Variants in SOX5 observed in about 807,000 individuals in gnomAD.
SOX5 encodes transcription factor SOX-5.
SOX5 carries 9 observed loss-of-function variants against 92.0 expected under a neutral mutation model. That is an observed-to-expected ratio of 0.10 (90% CI 0.06 to 0.17). SOX5 has a LOEUF of 0.17. Ranked by LOEUF, SOX5 falls within the 10% of genes least tolerant of loss-of-function variation. The probability of loss-of-function intolerance (pLI) is 1.00; values close to 1 mark genes in which losing one functional copy is unlikely to be tolerated. For synonymous variants in SOX5, 344 were observed against 336.3 expected, an observed-to-expected ratio of 1.02 and a Z score of -0.25; for missense variants, 642 against 944.5, an observed-to-expected ratio of 0.68 and a Z score of 4.20.
chr12:24,060,452 C>T (rs866784557), intron 4 of SOX5, among the ~76,000 whole-genome samples: 28 of 152,222 alleles, frequency 1.8e-4, no homozygotes, highest in African/African-American at 6.5e-4. Context: ...TTCTTATATA[C>T]ACTCCATATA....
At chr12:23,537,941 A>G (rs1447820196) in intron 13 of SOX5, among the ~76,000 whole-genome samples, 1 of 76,484 alleles carries the variant, frequency 1.3e-5, no homozygotes, top group African/African-American at 4.0e-5. Flanking sequence ...CAGTAGTAAT[A>G]GCGTTTTTTT....
intron 1 of SOX5, among the ~76,000 whole-genome samples, chr12:24,464,033 G>A (rs965634915): frequency 2.0e-5 from 3 of 152,118 alleles, no homozygotes; most frequent in Admixed American, 2.0e-4. Flanking sequence ...ACAAATAGGG[G>A]TTACCTACTG....
chr12:24,528,673 C>T (rs975928954), intron 1 of SOX5, among the ~76,000 whole-genome samples: 4 of 152,220 alleles, frequency 2.6e-5, no homozygotes, highest in African/African-American at 9.6e-5. Flanking sequence ...GCAAGGGAGC[C>T]AGGAAACCTG....
At chr12:24,009,395 T>G (rs887487496) in intron 4 of SOX5, among the ~76,000 whole-genome samples, 3 of 151,462 alleles carry the variant, frequency 2.0e-5, no homozygotes, top group African/African-American at 7.3e-5. Context: ...TCACTGCTTG[T>G]GTGGTCTTAT....
chr12:23,769,829 T>C (rs144514007), intron 3 of SOX5, among the ~76,000 whole-genome samples: 34 of 152,274 alleles, frequency 2.2e-4, no homozygotes, highest in Non-Finnish European at 4.3e-4. Context: ...TATTATGCCA[T>C]GATACTCACT....
chr12:23,793,306 T>C (rs2095508726), intron 3 of SOX5, among the ~76,000 whole-genome samples: 1 of 152,108 alleles, frequency 6.6e-6, no homozygotes, highest in East Asian at 1.9e-4. Context: ...GCCTACTCGG[T>C]GACATACACT....
chr12:24,454,168 G>A (rs1015772173), intron 1 of SOX5, among the ~76,000 whole-genome samples: 1 of 152,080 alleles, frequency 6.6e-6, no homozygotes, highest in African/African-American at 2.4e-5. Flanking sequence ...GAATAAACCT[G>A]AACTATTGAA....
intron 4 of SOX5, among the ~76,000 whole-genome samples, chr12:24,034,815 G>A (rs1955860619): frequency 6.6e-6 from 1 of 152,040 alleles, no homozygotes; most frequent in Non-Finnish European, 1.5e-5. Context: ...TGATGGATTA[G>A]AAGGAACTGC....
intron 1 of SOX5, among the ~76,000 whole-genome samples, chr12:24,547,542 A>C (rs1245410795): frequency 6.6e-6 from 1 of 152,242 alleles, no homozygotes; most frequent in Non-Finnish European, 1.5e-5. Context: ...TTTTACTTAG[A>C]AACACAGAAT....
intron 8 of SOX5, among the ~76,000 whole-genome samples, chr12:23,637,211 A>G (rs1592808095): frequency 2.0e-5 from 3 of 152,280 alleles, no homozygotes; most frequent in Admixed American, 2.0e-4. Flanking sequence ...TGGCAAGGCT[A>G]TTTCAGCTGT....
intron 6 of SOX5, among the ~76,000 whole-genome samples, chr12:23,714,305 T>C (rs1048214259): frequency 2.6e-5 from 4 of 152,176 alleles, no homozygotes; most frequent in Non-Finnish European, 5.9e-5. Context: ...GTTATAAATA[T>C]TTAAAGTCAT....
At chr12:24,233,008 A>C (rs971386805) in intron 3 of SOX5, among the ~76,000 whole-genome samples, 2 of 152,182 alleles carry the variant, frequency 1.3e-5, no homozygotes, top group Non-Finnish European at 2.9e-5. Context: ...CTCCTGTATA[A>C]GTTGAGTTGT....
chr12:23,782,431 T>C (rs2095299483), intron 3 of SOX5, among the ~76,000 whole-genome samples: 1 of 152,158 alleles, frequency 6.6e-6, no homozygotes, highest in Non-Finnish European at 1.5e-5. Context: ...CTTAAGAATT[T>C]AACGTAACCT....
chr12:23,783,892 G>A (rs1270181101), intron 3 of SOX5, among the ~76,000 whole-genome samples: 3 of 152,058 alleles, frequency 2.0e-5, no homozygotes, highest in Admixed American at 6.6e-5. Context: ...TGGGAATCTG[G>A]CAATAAACAA....
chr12:23,857,642 T>C (rs1020408499), intron 2 of SOX5, among the ~76,000 whole-genome samples: 1 of 152,146 alleles, frequency 6.6e-6, no homozygotes, highest in African/African-American at 2.4e-5. Flanking sequence ...GTAAGGCATA[T>C]GGAAAAAGGC....
At chr12:24,235,860 AAT>A (rs1377389914) in intron 3 of SOX5, among the ~76,000 whole-genome samples, 2 of 152,170 alleles carry the variant, frequency 1.3e-5, no homozygotes, top group African/African-American at 2.4e-5. Context: ...ATTTGTAACT[AAT>A]AGACAACTTT....
intron 4 of SOX5, among the ~76,000 whole-genome samples, chr12:24,078,835 G>A (rs1227210468): frequency 6.6e-6 from 1 of 152,008 alleles, no homozygotes; most frequent in African/African-American, 2.4e-5. Context: ...TATCTTTACA[G>A]AGCACTTTTT....
chr12:23,639,737 A>C lies in SOX5; in HGVS notation c.1017+1075T>G, dbSNP rs192765622. ...TAGAACACAGTATGTCTCAGCTTTC[A>C]CACTGGTAGTTCCTCCTGGGAAACT... On this transcript the variant is annotated intron_variant, in intron 8 of 14. Coordinates refer to ENST00000451604, the MANE Select transcript of SOX5 (RefSeq NM_006940.6). Among the ~76,000 whole-genome samples the C allele has an allele frequency of 2.6e-5, 4 of 152,354 alleles. No homozygotes were observed. The East Asian group carries it at 7.7e-4, about 29-fold the overall frequency.
intron 4 of SOX5, among the ~76,000 whole-genome samples, chr12:24,107,524 C>T (rs966213697): frequency 1.3e-5 from 2 of 152,152 alleles, no homozygotes; most frequent in Non-Finnish European, 2.9e-5. Flanking sequence ...GTGGACAAAG[C>T]CAGGGCTTCT....
Sources: allele counts gnomAD v4.1 joint callset (sites outside exome capture counted in the v4.1 genomes callset), GRCh38; gene constraint gnomAD v4.1.1; transcripts MANE v1.5; gene names NCBI Gene and HGNC (gene_info 2026-07-23, HGNC 2026-07-21).